The following NFATC3 variants were observed in gnomAD, a reference collection of about 807,000 sequenced individuals.
NFATC3 encodes the protein nuclear factor of activated T cells 3.
Under a neutral mutation model 98.6 loss-of-function variants are expected in NFATC3, and 46 were observed. That is an observed-to-expected ratio of 0.47 (90% CI 0.37 to 0.60). The LOEUF is 0.60. Ranked by LOEUF, NFATC3 falls within the 20% of genes least tolerant of loss-of-function variation. The pLI is 0.00. For missense variants in NFATC3, 1,256 were observed against 1,295.5 expected, an observed-to-expected ratio of 0.97 and a Z score of 0.47; for synonymous variants, 512 against 472.2, an observed-to-expected ratio of 1.08 and a Z score of -1.09.
In NFATC3 at chr16:68,121,982, C is replaced by A. The variant is rs747161833; in HGVS notation, c.104-5C>A. The A allele has an allele frequency of 5.1e-6, 8 of 1,567,834 alleles. No individual in the cohort carries two copies. The highest frequency in any genetic ancestry group is 6.9e-6 in the Non-Finnish European group (8 of 1,159,930). Reference sequence around the variant, plus strand: ...GTTTTTTTTTTTTTGCCTTCCTCCCCGTAGATCTTGAGCCAGATGATTGTG... The same window carrying A: ...GTTTTTTTTTTTTTGCCTTCCTCCCAGTAGATCTTGAGCCAGATGATTGTG... On this transcript the variant is annotated splice_polypyrimidine_tract_variant and splice_region_variant and intron_variant, in intron 1 of 9. Transcript: ENST00000346183.
intron 9 of NFATC3, among the ~76,000 whole-genome samples, chr16:68,196,483 A>G (rs1483606365): frequency 6.6e-6 from 1 of 152,146 alleles, no homozygotes; most frequent in East Asian, 1.9e-4. Flanking sequence ...TTTGCCTTTG[A>G]AGGTAGAATT....
At position 68,122,086 on chromosome 16, in the gene NFATC3, C is replaced by T. The variant is rs767737653; in HGVS notation, c.203C>T (p.Pro68Leu). ...CTTTGCTTACCACATCATGGATTAC[C>T]GTCTCACTCTTCTGTTTTGTCACCA... is the stretch of plus-strand genomic sequence containing the variant. ...TPLCLPHHGL[P>L]SHSSVLSPSF... Residue 68 changes from proline (P) to leucine (L), a missense_variant, in exon 2 of 10, where the codon CCG (proline) becomes CTG (leucine). Transcript: ENST00000346183. 2.8e-4 allele frequency: 451 copies of T among 1,613,798 alleles called. No homozygotes were observed. Among genetic ancestry groups the T allele is most frequent in the Non-Finnish European group, 3.7e-4 (435 of 1,180,012 alleles).
intron 4 of NFATC3, among the ~76,000 whole-genome samples, chr16:68,162,047 G>A (rs1224828292): frequency 6.6e-6 from 1 of 152,132 alleles, no homozygotes; most frequent in Non-Finnish European, 1.5e-5. Flanking sequence ...GGACCAGGCT[G>A]CAGAAATACC....
chr16:68,183,101 G>A, intron 7 of NFATC3, 139 bp from the exon 8 acceptor site: 1 of 789,162 alleles, frequency 1.3e-6, no homozygotes, highest in Non-Finnish European at 1.9e-6. Context: ...TAAATCTCCA[G>A]ATGATGTATA....
chr16:68,188,112 G>A (rs561578812), intron 8 of NFATC3, among the ~76,000 whole-genome samples: 45 of 152,244 alleles, frequency 3.0e-4, no homozygotes, highest in Non-Finnish European at 5.3e-4. Flanking sequence ...ATACACACCC[G>A]GCTGGGTTGC....
intron 2 of NFATC3, among the ~76,000 whole-genome samples, chr16:68,124,320 G>C (rs892602966): frequency 4.0e-5 from 6 of 151,742 alleles, no homozygotes; most frequent in African/African-American, 1.5e-4. Context: ...TTGCTTTGTT[G>C]CTTAGGCTGA....
At chr16:68,107,341 G>A (rs2151474662) in intron 1 of NFATC3, among the ~76,000 whole-genome samples, 1 of 152,304 alleles carries the variant, frequency 6.6e-6, no homozygotes, top group South Asian at 2.1e-4. Flanking sequence ...CTTCCACAAT[G>A]TTTGAACTAA....
At chr16:68,201,834 T>C (rs2040928810) in intron 9 of NFATC3, among the ~76,000 whole-genome samples, 1 of 118,140 alleles carries the variant, frequency 8.5e-6, no homozygotes, top group African/African-American at 2.7e-5. Context: ...GGTGCATGCC[T>C]GTAGTCCCAG....
At chr16:68,216,027 C>T (rs1401353900) in intron 9 of NFATC3, among the ~76,000 whole-genome samples, 2 of 151,956 alleles carry the variant, frequency 1.3e-5, no homozygotes, top group Non-Finnish European at 2.9e-5. Flanking sequence ...CGCGCTGGCC[C>T]AGATTTACAC....
rs890003152 is a variant in NFATC3 at position 68,138,765 on chromosome 16, T to C, written c.1401+12155T>C. Reference sequence around the variant, plus strand: ...CAAAACTCTGTATTCTGTAGTATAATATAGAACTCTATACTTAAATCTTTG... The same window carrying C: ...CAAAACTCTGTATTCTGTAGTATAACATAGAACTCTATACTTAAATCTTTG... On this transcript the variant is annotated intron_variant, in intron 3 of 9. Transcript: ENST00000346183. 3.9e-6 allele frequency: 5 copies of C among 1,281,628 alleles called. No homozygotes were observed. In the African/African-American group the frequency reaches 6.1e-5, roughly 16 times the overall value. The allele number at this position is 1,281,628 out of a possible 1,614,324, so 79.4% of individuals were successfully genotyped here.
At chr16:68,097,540 A>G (rs754089701) in intron 1 of NFATC3, among the ~76,000 whole-genome samples, 4 of 152,224 alleles carry the variant, frequency 2.6e-5, no homozygotes, top group African/African-American at 4.8e-5. Context: ...AGTCACTGCA[A>G]CAGAGTGTGG....
intron 1 of NFATC3, chr16:68,088,637 G>A (rs1474507635): frequency 2.6e-5 from 4 of 151,732 alleles, no homozygotes; most frequent in Admixed American, 6.6e-5. Context: ...GGGTTCAAGC[G>A]ATTGTCCCGC....
chr16:68,118,356 G>A (rs1344300057), intron 1 of NFATC3, among the ~76,000 whole-genome samples: 4 of 152,108 alleles, frequency 2.6e-5, no homozygotes, highest in Non-Finnish European at 4.4e-5. Flanking sequence ...AATGAGGGCG[G>A]GGGACCATAT....
intron 3 of NFATC3, among the ~76,000 whole-genome samples, chr16:68,129,014 G>A (rs2036985068): frequency 6.6e-6 from 1 of 151,932 alleles, no homozygotes. Flanking sequence ...TAGGATTGCT[G>A]GAGCCGGGAG....
intron 3 of NFATC3, among the ~76,000 whole-genome samples, chr16:68,144,410 A>G (rs1002783707): frequency 2.6e-5 from 4 of 151,998 alleles, no homozygotes; most frequent in African/African-American, 4.8e-5. Context: ...TGCCCCACCA[A>G]TCTCACTCTG....
Position 68,150,669 on chromosome 16 carries a change from T to C in NFATC3, c.1402-7200T>C, listed in dbSNP as rs1316788163. ...TACTATTAAGAGAAAAATAAATATA[T>C]AAACTAAATTATAGTTGATGTGGTT... On this transcript the variant is annotated intron_variant, in intron 3 of 9. Coordinates refer to ENST00000346183, the MANE Select transcript of NFATC3 (RefSeq NM_173165.3). 2.6e-5 allele frequency among the ~76,000 whole-genome samples: 4 copies of C among 152,160 alleles called. No individual in the cohort carries two copies. The East Asian group carries it at 7.7e-4, about 29-fold the overall frequency.
chr16:68,106,566 A>G (rs984728721), intron 1 of NFATC3, among the ~76,000 whole-genome samples: 2 of 151,960 alleles, frequency 1.3e-5, no homozygotes, highest in Non-Finnish European at 2.9e-5. Context: ...CAGGGATTAC[A>G]GGCATGAGCC....
At chr16:68,120,532 TC>T (rs911867439) in intron 1 of NFATC3, among the ~76,000 whole-genome samples, 2 of 138,240 alleles carry the variant, frequency 1.4e-5, no homozygotes, top group Admixed American at 7.8e-5. Context: ...TGAGCCAAGA[TC>T]GCACCACTGC....
intron 3 of NFATC3, among the ~76,000 whole-genome samples, chr16:68,151,749 A>G (rs1186036005): frequency 1.3e-5 from 2 of 152,162 alleles, no homozygotes; most frequent in Non-Finnish European, 2.9e-5. Context: ...CCTCCCCTGC[A>G]GAGGGTGATA....
Sources: allele counts gnomAD v4.1 joint callset (sites outside exome capture counted in the v4.1 genomes callset), GRCh38; gene constraint gnomAD v4.1.1; transcripts MANE v1.5; gene names NCBI Gene and HGNC (gene_info 2026-07-23, HGNC 2026-07-21).